RIC3: variants seen among roughly 807,000 people sequenced by gnomAD.
RIC3 encodes protein RIC-3.
In RIC3, 28 loss-of-function variants were observed where a neutral mutation model predicts 27.3. The ratio of observed to expected loss-of-function variants is 1.02; its 90% CI spans 0.76 to 1.41. The LOEUF (loss-of-function observed/expected upper bound fraction) is 1.41. Ranked by LOEUF, RIC3 falls within the 40% of genes most tolerant of loss-of-function variation. The pLI, the probability that RIC3 is intolerant of heterozygous loss-of-function variation, is 0.00. For synonymous variants in RIC3, 184 were observed against 160.4 expected (o/e 1.15, Z -1.11); for missense variants, 501 against 444.7 (o/e 1.13, Z -1.14).
Position 8,139,955 on chromosome 11 carries a change from G to T in RIC3, c.351+12C>A, listed in dbSNP as rs368022153. 3.1e-6 allele frequency: 5 copies of T among 1,597,374 alleles called. No individual in the cohort carries two copies. The highest frequency in any genetic ancestry group is 4.3e-6 in the Non-Finnish European group (5 of 1,165,434). On this transcript the variant is annotated intron_variant, in intron 2 of 5. Coordinates refer to ENST00000309737, the MANE Select transcript of RIC3 (RefSeq NM_001206671.4). ...TTCATTGATGTAATATGATTAGGAT[G>T]ATTCTACTTACCTTAAATAGAATGT... is the stretch of plus-strand genomic sequence containing the variant.
the RIC3 span, among the ~76,000 whole-genome samples, chr11:8,098,090 G>T: frequency 6.6e-6 from 1 of 152,082 alleles, no homozygotes; most frequent in Non-Finnish European, 1.5e-5. Context: ...TCCAACCCCA[G>T]GGTGTCACTG....
intron 1 of RIC3, among the ~76,000 whole-genome samples, chr11:8,147,617 G>A (rs570735460): frequency 6.6e-6 from 1 of 152,248 alleles, no homozygotes; most frequent in Admixed American, 6.5e-5. Flanking sequence ...CCAGAGTCAG[G>A]TGGGAAAGCA....
In RIC3 at chr11:8,111,144, A is replaced by G; in HGVS notation, c.671-7T>C. 1 of 1,567,450 alleles carries G rather than the reference A, an allele frequency of 6.4e-7. No individual in the cohort carries two copies. The highest frequency in any genetic ancestry group is 1.2e-5 in the South Asian group (1 of 85,596). ...TAAGTCTCTTCAGGGTAACCTAGAG[A>G]GAAAAGTAGCACAAAGTATTACAAA... On this transcript the variant is annotated splice_region_variant and splice_polypyrimidine_tract_variant and intron_variant, in intron 5 of 5. Coordinates refer to ENST00000309737, the MANE Select transcript of RIC3 (RefSeq NM_001206671.4).
At chr11:8,168,571 G>A (rs1055987404) in intron 1 of RIC3, among the ~76,000 whole-genome samples, 2 of 152,198 alleles carry the variant, frequency 1.3e-5, no homozygotes, top group Non-Finnish European at 2.9e-5. Context: ...AGCCAGCGGG[G>A]TAAGAGAGAA....
At chr11:8,166,211 G>C (rs568096813) in intron 1 of RIC3, among the ~76,000 whole-genome samples, 1 of 152,258 alleles carries the variant, frequency 6.6e-6, no homozygotes, top group South Asian at 2.1e-4. Context: ...TGTCTGTTTT[G>C]CATTTATCTG....
chr11:8,137,522 T>C (rs1266208806), intron 3 of RIC3, 51 bp from the exon 4 acceptor site: 7 of 1,474,080 alleles, frequency 4.7e-6, no homozygotes, highest in Non-Finnish European at 6.6e-6. Context: ...TCCCTAAACC[T>C]GTTAAAGAGA....
downstream of RIC3, chr11:8,102,535 C>T (rs1029547138): frequency 6.6e-6 from 1 of 152,284 alleles, no homozygotes; most frequent in Non-Finnish European, 1.5e-5. Context: ...CACAGCTAGG[C>T]ATGCCTGGGA....
the RIC3 span, chr11:8,100,945 G>A: frequency 4.3e-5 from 69 of 1,614,040 alleles, no homozygotes; most frequent in Non-Finnish European, 5.5e-5. Flanking sequence ...ACTTCCATGG[G>A]CGCGTCACAC....
chr11:8,145,191 T>A (rs10839979), intron 1 of RIC3, among the ~76,000 whole-genome samples: 6 of 109,038 alleles, frequency 5.5e-5, no homozygotes, highest in East Asian at 5.5e-4. Flanking sequence ...AAAAAAAAAT[T>A]AAAAAAAAAT....
At chr11:8,122,110 C>G (rs1372824121) in intron 5 of RIC3, among the ~76,000 whole-genome samples, 2 of 152,082 alleles carry the variant, frequency 1.3e-5, no homozygotes, top group Non-Finnish European at 1.5e-5. Context: ...CCAGTTTCTC[C>G]CAAAGGCAAC....
intron 4 of RIC3, among the ~76,000 whole-genome samples, chr11:8,127,751 C>T (rs1275430473): frequency 6.6e-6 from 1 of 152,160 alleles, no homozygotes; most frequent in Admixed American, 6.5e-5. Flanking sequence ...CAAGTTAATA[C>T]AACACTTACA....
At chr11:8,096,649 C>T in the RIC3 span, 2 of 1,410,092 alleles carry the variant, frequency 1.4e-6, no homozygotes, top group Non-Finnish European at 2.0e-6. Flanking sequence ...GTAGACTTCT[C>T]CTCCTTCATC....
At chr11:8,139,648 T>C (rs1474206980) in intron 2 of RIC3, 1 of 152,752 alleles carries the variant, frequency 6.5e-6, no homozygotes, top group African/African-American at 2.6e-5. Flanking sequence ...TTTTTTTTTT[T>C]TTTTTTTTTT....
In RIC3 at chr11:8,115,776, G is replaced by A. The variant is rs375412818; in HGVS notation, c.671-4639C>T. On this transcript the variant is annotated intron_variant, in intron 5 of 5. Transcript: ENST00000309737. The stretch of plus-strand genomic sequence containing the variant: ...CACAAATAAAATGAAAAGATGTCCC[G>A]TTTATGGATTGGAAGAATTGATACT... Among the ~76,000 whole-genome samples the A allele has an allele frequency of 9.9e-5, 15 of 152,264 alleles. No homozygotes were observed. In the South Asian group the frequency reaches 1.0e-3, roughly 11 times the overall value.
chr11:8,167,181 G>C (rs1198007389), intron 1 of RIC3, among the ~76,000 whole-genome samples: 1 of 152,046 alleles, frequency 6.6e-6, no homozygotes, highest in African/African-American at 2.4e-5. Context: ...TATATGCCAG[G>C]TACTGAAGAA....
chr11:8,100,924 C>T, the RIC3 span: 1 of 1,614,062 alleles, frequency 6.2e-7, no homozygotes, highest in Non-Finnish European at 8.5e-7. Context: ...ACACACAGTC[C>T]TATGTACTCA....
chr11:8,132,772 A>G (rs117454663), intron 4 of RIC3, among the ~76,000 whole-genome samples: 2,745 of 152,300 alleles, frequency 0.018, 32 homozygotes, highest in South Asian at 0.035. Flanking sequence ...AAATGAATGT[A>G]TCTTTTGCTT....
In RIC3 at chr11:8,107,006, T is replaced by A. The variant is rs973045946; in HGVS notation, c.*3692A>T. 6.6e-6 allele frequency: 1 copy of A among 152,176 alleles called. No individual in the cohort carries two copies. Among genetic ancestry groups the A allele is most frequent in the African/African-American group, 2.4e-5 (1 of 41,434 alleles). The allele number at this position is 152,176 out of a possible 1,614,324, so 9.4% of individuals were successfully genotyped here. A position where few individuals can be genotyped will look rare whatever the true frequency, so the allele number is the denominator to read the frequency against. ...GCATCTTATTTAATCCAAACAGCCC[T>A]GTAAATAGAGCATTATTCCCAATTC... On this transcript the variant is annotated 3_prime_UTR_variant, in exon 6 of 6. Transcript: ENST00000309737.
chr11:8,144,023 T>C (rs2133983744), intron 1 of RIC3, among the ~76,000 whole-genome samples: 1 of 152,222 alleles, frequency 6.6e-6, no homozygotes, highest in East Asian at 1.9e-4. Flanking sequence ...TATACAAAAA[T>C]CAATTCAAGA....
Sources: gnomAD v4.1 joint callset for allele counts (sites outside exome capture counted in the v4.1 genomes callset) on GRCh38, gnomAD v4.1.1 for gene constraint, MANE v1.5 for transcripts, NCBI Gene and HGNC (gene_info 2026-07-23, HGNC 2026-07-21) for gene names.